Variants in HP1BP3 observed in about 807,000 individuals in gnomAD.
HP1BP3 encodes heterochromatin protein 1 binding protein 3.
Under a neutral mutation model 62.5 loss-of-function variants are expected in HP1BP3, and 12 were observed. That is an observed-to-expected ratio of 0.19 (90% CI 0.12 to 0.31). The LOEUF (loss-of-function observed/expected upper bound fraction) is 0.31, where lower values mean the gene tolerates loss of function less well. Ranked by LOEUF, HP1BP3 falls within the 10% of genes least tolerant of loss-of-function variation. HP1BP3 has a pLI of 1.00. For synonymous variants in HP1BP3, 260 were observed against 237.8 expected (o/e 1.09, Z -0.86); for missense variants, 502 against 651.8 (o/e 0.77, Z 2.50).
chr1:20,776,519 A>G, intron 4 of HP1BP3, 78 bp downstream of exon 4: 2 of 1,296,554 alleles, frequency 1.5e-6, no homozygotes, highest in Non-Finnish European at 2.1e-6. Context: ...CCAATGTTAT[A>G]ACACTTTAAA....
At chr1:20,773,909 A>T (rs1467062675) in intron 4 of HP1BP3, 1 of 197,980 alleles carries the variant, frequency 5.1e-6, no homozygotes, top group East Asian at 1.2e-4. Context: ...ACATTAGTTA[A>T]CAATTACAAC....
intron 3 of HP1BP3, among the ~76,000 whole-genome samples, chr1:20,777,409 T>C (rs894553505): frequency 1.3e-5 from 2 of 152,160 alleles, no homozygotes; most frequent in Non-Finnish European, 2.9e-5. Context: ...ATTATTGCAA[T>C]AATGACGAGG....
At chr1:20,778,314 T>G (rs1052839404) in intron 3 of HP1BP3, among the ~76,000 whole-genome samples, 1 of 152,228 alleles carries the variant, frequency 6.6e-6, no homozygotes, top group Non-Finnish European at 1.5e-5. Context: ...GTTTACAAAA[T>G]TTAAAATAAG....
In HP1BP3 at chr1:20,752,605, C is replaced by G. The variant is rs558526817; in HGVS notation, c.982-2723G>C. ...GCACCTGGCCTTTTCACTATTTTGA[C>G]ATTTGCACTGATGGTGCAGAAGCAA... On this transcript the variant is annotated intron_variant, in intron 9 of 12. Coordinates refer to ENST00000438032, the MANE Select transcript of HP1BP3 (RefSeq NM_001372052.1). Among the ~76,000 whole-genome samples the G allele has an allele frequency of 2.6e-5, 4 of 152,160 alleles. No individual in the cohort carries two copies. In the East Asian group the frequency reaches 7.8e-4, roughly 30 times the overall value.
At chr1:20,763,638 CAG>C (rs201626859) in intron 8 of HP1BP3, among the ~76,000 whole-genome samples, 2 of 152,326 alleles carry the variant, frequency 1.3e-5, no homozygotes, top group South Asian at 2.1e-4. Flanking sequence ...CAAACACTCT[CAG>C]AGTCTGTGAA....
Position 20,776,677 on chromosome 1 carries a change from C to T in HP1BP3, c.270G>A (p.Ser90=), listed in dbSNP as rs145672262. The T allele has an allele frequency of 9.3e-6, 15 of 1,613,762 alleles. No homozygotes were observed. In the African/African-American group the frequency reaches 9.3e-5, roughly 10 times the overall value. ...EQENETPPAT[S]SEAEQPKGEP... ...CCCCCTTTGGCTGCTCTGCCTCACT[C>T]GAAGTAGCAGGTGGAGTTTCATTCT... is the stretch of plus-strand genomic sequence containing the variant. Residue 90 remains serine, a synonymous_variant, in exon 4 of 13, where the codon TCG becomes TCA. Transcript: ENST00000438032.
In HP1BP3 at chr1:20,745,592, C is replaced by G. The variant is rs1570531879; in HGVS notation, c.1318G>C (p.Glu440Gln). The change falls in exon 12 of 13, where the codon GAG (glutamate) becomes CAG (glutamine). Residue 440 changes from glutamate to glutamine, a missense_variant. Glu to Gln is a conservative substitution (Grantham distance 29, BLOSUM62 2). This residue lies in a region of HP1BP3 where 194 missense variants were observed against 207.0 expected (regional missense o/e 0.94). Coordinates refer to ENST00000438032, the MANE Select transcript of HP1BP3 (RefSeq NM_001372052.1). ...DSRDEDEDED[E>Q]SSEEDSEDEE... ...TCCTCAGAGTCTTCTTCTGATGACTCATCTTCATCTTCATCCTCATCTCTA... is the reference window on the plus strand; with the variant it reads ...TCCTCAGAGTCTTCTTCTGATGACTGATCTTCATCTTCATCCTCATCTCTA... 6.2e-7 allele frequency: 1 copy of G among 1,613,364 alleles called. No individual in the cohort carries two copies. The highest frequency in any genetic ancestry group is 2.2e-5 in the East Asian group (1 of 44,868).
chr1:20,784,387 T>G (rs1385105422), intron 1 of HP1BP3, among the ~76,000 whole-genome samples: 2 of 152,144 alleles, frequency 1.3e-5, no homozygotes, highest in Non-Finnish European at 2.9e-5. Context: ...GCATACCTGA[T>G]GCCTAAGAAC....
chr1:20,756,557 G>T (rs1000612848), intron 9 of HP1BP3, among the ~76,000 whole-genome samples: 15 of 152,092 alleles, frequency 9.9e-5, no homozygotes, highest in Admixed American at 7.2e-4. Context: ...GAAACAGAGA[G>T]AAACACTGTC....
intron 8 of HP1BP3, among the ~76,000 whole-genome samples, chr1:20,758,854 T>C (rs1008726948): frequency 3.2e-4 from 49 of 151,768 alleles, no homozygotes; most frequent in Non-Finnish European, 6.3e-4. Flanking sequence ...GGTTCCACTA[T>C]GTTGCCCAGC....
intron 8 of HP1BP3, among the ~76,000 whole-genome samples, chr1:20,762,228 C>T (rs2056524382): frequency 6.6e-6 from 1 of 152,048 alleles, no homozygotes; most frequent in Admixed American, 6.6e-5. Flanking sequence ...GAAAAAATTA[C>T]CATTAAAAAG....
rs916205735 is a variant in HP1BP3 at position 20,776,122 on chromosome 1, A to G, written c.350+475T>C. On this transcript the variant is annotated intron_variant, in intron 4 of 12. Transcript: ENST00000438032. ...TTCTCAAAGCCAATTCTTCAACTGA[A>G]TATTTCATCAAACATATATAGACTT... 3.4e-6 allele frequency: 3 copies of G among 893,900 alleles called. No individual in the cohort carries two copies. The East Asian group carries it at 8.1e-5, about 24-fold the overall frequency. The allele number at this position is 893,900 out of a possible 1,614,324, so 55.4% of individuals were successfully genotyped here.
chr1:20,755,155 A>C (rs1477103922), intron 9 of HP1BP3, among the ~76,000 whole-genome samples: 1 of 152,230 alleles, frequency 6.6e-6, no homozygotes, highest in African/African-American at 2.4e-5. Flanking sequence ...TAAGCACAAG[A>C]GATGCTCAAC....
At chr1:20,751,286 AGTT>A (rs1466324758) in intron 9 of HP1BP3, among the ~76,000 whole-genome samples, 1 of 152,016 alleles carries the variant, frequency 6.6e-6, no homozygotes, top group Non-Finnish European at 1.5e-5. Context: ...GGGAATCTAA[AGTT>A]TTTTATGATT....
At chr1:20,779,687 T>C in intron 3 of HP1BP3, 125 bp downstream of exon 3, 2 of 582,084 alleles carry the variant, frequency 3.4e-6, no homozygotes, top group South Asian at 2.1e-5. Flanking sequence ...TCTCTCTAAA[T>C]GTTTCCCCAA....
chr1:20,776,837 C>T (rs537200926), intron 3 of HP1BP3, 87 bp from the exon 4 acceptor site: 2 of 1,126,908 alleles, frequency 1.8e-6, no homozygotes, highest in South Asian at 4.2e-5. Flanking sequence ...ATTAAACGGA[C>T]CAGCCAAAGT....
intron 9 of HP1BP3, 159 bp from the exon 10 acceptor site, chr1:20,750,041 A>G: frequency 2.2e-6 from 3 of 1,388,062 alleles, no homozygotes; most frequent in Non-Finnish European, 2.8e-6. Context: ...CCCATTCAAC[A>G]GGTATTCAAT....
intron 3 of HP1BP3, among the ~76,000 whole-genome samples, chr1:20,779,095 T>C (rs1300788282): frequency 2.6e-5 from 4 of 152,190 alleles, no homozygotes; most frequent in African/African-American, 4.8e-5. Context: ...CGGCCCTCTA[T>C]TCCTAATACA....
chr1:20,787,205 G>T lies in HP1BP3; in HGVS notation c.-111C>A. On this transcript the variant is annotated 5_prime_UTR_variant, in exon 1 of 13. Coordinates refer to ENST00000438032, the MANE Select transcript of HP1BP3 (RefSeq NM_001372052.1). ...TCGGTCCTGCGTTACCTCTGCGTTC[G>T]GCCGGTCCTGGCGCCCGCGTCCCGC... is the stretch of plus-strand genomic sequence containing the variant. The T allele has an allele frequency of 6.6e-6, 1 of 152,010 alleles. No homozygotes were observed. The highest frequency in any genetic ancestry group is 1.9e-4 in the South Asian group (1 of 5,140). 9.4% of individuals were successfully genotyped at this position (152,010 alleles called of 1,614,324 possible). A position where few individuals can be genotyped will look rare whatever the true frequency, so the allele number is the denominator to read the frequency against.
Sources: gnomAD v4.1 joint callset for allele counts (sites outside exome capture counted in the v4.1 genomes callset) on GRCh38, gnomAD v4.1.1 for gene constraint, gnomAD v4.1.1 regional missense constraint, MANE v1.5 for transcripts, NCBI Gene and HGNC (gene_info 2026-07-23, HGNC 2026-07-21) for gene names.